Variants in DIAPH3 observed in about 807,000 individuals in gnomAD.
DIAPH3 encodes the protein protein diaphanous homolog 3.
A neutral mutation model predicts 144.3 loss-of-function variants in DIAPH3; 117 were observed. The ratio of observed to expected loss-of-function variants is 0.81; its 90% CI spans 0.70 to 0.95. The LOEUF is 0.95. DIAPH3 is among the 40% of genes least tolerant of loss of function. The pLI is 0.00. For missense variants in DIAPH3, 1,421 were observed against 1,412.7 expected (o/e 1.01, Z -0.09); for synonymous variants, 519 against 488.9 (o/e 1.06, Z -0.81).
intron 12 of DIAPH3, among the ~76,000 whole-genome samples, chr13:59,987,227 G>T (rs185504596): frequency 0.072 from 10,782 of 148,996 alleles, 419 homozygotes; most frequent in Admixed American, 0.11. Context: ...TCGCAAGAAC[G>T]AAAAACCAAA....
intron 9 of DIAPH3, among the ~76,000 whole-genome samples, chr13:60,004,480 T>C (rs1023548053): frequency 6.6e-6 from 1 of 152,312 alleles, no homozygotes; most frequent in African/African-American, 2.4e-5. Flanking sequence ...TATCTTTTAC[T>C]CTGAAGCCTG....
At chr13:59,750,284 A>G (rs1336107656) in intron 27 of DIAPH3, among the ~76,000 whole-genome samples, 1 of 152,208 alleles carries the variant, frequency 6.6e-6, no homozygotes, top group Non-Finnish European at 1.5e-5. Context: ...AGCTGGTTTT[A>G]AAAACCTCAT....
At chr13:59,984,637 G>A (rs1217274954) in intron 12 of DIAPH3, among the ~76,000 whole-genome samples, 1 of 148,542 alleles carries the variant, frequency 6.7e-6, no homozygotes, top group East Asian at 2.0e-4. Context: ...TGATAAAGGG[G>A]ATATCACCAC....
At chr13:59,860,468 G>A (rs1193041302) in intron 22 of DIAPH3, among the ~76,000 whole-genome samples, 1 of 152,166 alleles carries the variant, frequency 6.6e-6, no homozygotes, top group Non-Finnish European at 1.5e-5. Context: ...GCCGGGCGCG[G>A]TGGCTCATGC....
intron 9 of DIAPH3, among the ~76,000 whole-genome samples, chr13:60,007,721 T>A (rs1347605303): frequency 3.9e-5 from 6 of 152,102 alleles, no homozygotes; most frequent in Admixed American, 1.3e-4. Flanking sequence ...TTCCTTTTTT[T>A]AAAAAAAGAA....
intron 17 of DIAPH3, among the ~76,000 whole-genome samples, chr13:59,954,955 C>T (rs1458005709): frequency 2.0e-5 from 3 of 151,926 alleles, no homozygotes; most frequent in South Asian, 4.2e-4. Context: ...TACAATTCAA[C>T]ATGAGATTTG....
chr13:59,876,435 C>T (rs1435392169), intron 21 of DIAPH3, among the ~76,000 whole-genome samples: 1 of 151,996 alleles, frequency 6.6e-6, no homozygotes, highest in East Asian at 1.9e-4. Context: ...ACTGGTTTGC[C>T]GACTAACTGT....
At chr13:59,762,506 A>C (rs886081892) in intron 27 of DIAPH3, among the ~76,000 whole-genome samples, 1 of 152,152 alleles carries the variant, frequency 6.6e-6, no homozygotes, top group African/African-American at 2.4e-5. Context: ...GTCTGGTTAC[A>C]ATGTTTCTAT....
chr13:60,022,244 T>G (rs749593816), intron 5 of DIAPH3, among the ~76,000 whole-genome samples: 1 of 152,212 alleles, frequency 6.6e-6, no homozygotes, highest in Non-Finnish European at 1.5e-5. Context: ...TTTATTTCCT[T>G]TTCTTGCTTC....
At chr13:60,101,367 A>G (rs1163712575) in intron 3 of DIAPH3, among the ~76,000 whole-genome samples, 1 of 152,124 alleles carries the variant, frequency 6.6e-6, no homozygotes, top group Non-Finnish European at 1.5e-5. Context: ...ACTGCCATCA[A>G]CTTGGGTTGA....
At chr13:59,902,142 T>C (rs137964318) in intron 20 of DIAPH3, among the ~76,000 whole-genome samples, 3 of 152,284 alleles carry the variant, frequency 2.0e-5, no homozygotes, top group African/African-American at 7.2e-5. Context: ...AAAGAAAAAC[T>C]GTGTATGGTT....
intron 4 of DIAPH3, among the ~76,000 whole-genome samples, chr13:60,057,249 C>T (rs1238573097): frequency 2.0e-5 from 3 of 151,770 alleles, no homozygotes; most frequent in East Asian, 3.9e-4. Context: ...CTGCTAAATG[C>T]CAACAACAAC....
At chr13:59,929,538 A>T (rs1594026892) in intron 17 of DIAPH3, among the ~76,000 whole-genome samples, 1 of 131,276 alleles carries the variant, frequency 7.6e-6, no homozygotes, top group South Asian at 2.5e-4. Flanking sequence ...ATTTTTCTCC[A>T]TATCTAAATT....
intron 20 of DIAPH3, among the ~76,000 whole-genome samples, chr13:59,897,038 A>G (rs951999172): frequency 6.6e-6 from 1 of 152,220 alleles, no homozygotes. Context: ...GAAGGTAAAA[A>G]TTGCTCAAAA....
At chr13:60,052,971 A>G (rs1489399836) in intron 4 of DIAPH3, among the ~76,000 whole-genome samples, 1 of 147,330 alleles carries the variant, frequency 6.8e-6, no homozygotes, top group Non-Finnish European at 1.5e-5. Flanking sequence ...AAAAAAAAAA[A>G]AAAAAAAAAG....
At position 60,086,642 on chromosome 13, in the gene DIAPH3, A is replaced by C. The variant is rs539425790; in HGVS notation, c.495+6986T>G. 2.8e-3 allele frequency among the ~76,000 whole-genome samples: 432 copies of C among 152,240 alleles called. 2 individuals carry two copies. Among genetic ancestry groups the C allele is most frequent in the African/African-American group, 9.1e-3 (377 of 41,558 alleles). ...ACGTTAATGTTAACAAGAATGTGTG[A>C]AACTTTGGTTCTTCTAAGTTTCTAG... On this transcript the variant is annotated intron_variant, in intron 4 of 27. Transcript: ENST00000400324.
chr13:59,867,592 T>A (rs2044003036), intron 21 of DIAPH3, among the ~76,000 whole-genome samples: 1 of 152,090 alleles, frequency 6.6e-6, no homozygotes. Context: ...TGCTACCATA[T>A]CCCCACACAC....
intron 27 of DIAPH3, among the ~76,000 whole-genome samples, chr13:59,768,747 A>T (rs1175871117): frequency 1.3e-5 from 2 of 152,188 alleles, no homozygotes; most frequent in Admixed American, 1.3e-4. Context: ...GAGGCAATAC[A>T]ATCTTATTTC....
intron 4 of DIAPH3, among the ~76,000 whole-genome samples, chr13:60,055,286 A>T (rs1311271407): frequency 6.6e-6 from 1 of 151,954 alleles, no homozygotes; most frequent in African/African-American, 2.4e-5. Context: ...AATTTGACAC[A>T]CAACATTCTC....
Sources: gnomAD v4.1 joint callset for allele counts (sites outside exome capture counted in the v4.1 genomes callset) on GRCh38, gnomAD v4.1.1 for gene constraint, MANE v1.5 for transcripts, NCBI Gene and HGNC (gene_info 2026-07-23, HGNC 2026-07-21) for gene names.